The following ZZEF1 variants were observed in gnomAD, a reference collection of about 807,000 sequenced individuals.
ZZEF1 encodes the protein zinc finger ZZ-type and EF-hand domain containing 1.
ZZEF1 carries 157 observed loss-of-function variants against 342.8 expected under a neutral mutation model. The observed-to-expected ratio is 0.46, with a 90% CI of 0.40 to 0.52. ZZEF1 has a LOEUF of 0.52. Among genes scored for constraint, ZZEF1 ranks in the 20% least tolerant of loss-of-function variants. The probability of loss-of-function intolerance (pLI) is 0.00; values close to 1 mark genes in which losing one functional copy is unlikely to be tolerated. For synonymous variants in ZZEF1, 1,505 were observed against 1,429.1 expected (o/e 1.05, Z -1.20); for missense variants, 3,480 against 3,725.6 (o/e 0.93, Z 1.72).
chr17:4,066,407 C>T, intron 28 of ZZEF1, 40 bp downstream of exon 28: 1 of 1,599,420 alleles, frequency 6.3e-7, no homozygotes, highest in Non-Finnish European at 8.6e-7. Flanking sequence ...AAAACGAAAA[C>T]AGAAGGCTCA....
intron 17 of ZZEF1, 101 bp downstream of exon 17, chr17:4,082,336 G>A (rs1257617586): frequency 8.2e-6 from 9 of 1,095,476 alleles, no homozygotes; most frequent in Non-Finnish European, 1.2e-5. Context: ...TGAGTGGCAG[G>A]AAGTACTACT....
Position 4,021,137 on chromosome 17 carries a change from A to G in ZZEF1, c.7396T>C (p.Cys2466Arg). 6.2e-7 allele frequency: 1 copy of G among 1,610,650 alleles called. No individual in the cohort carries two copies. Among genetic ancestry groups the G allele is most frequent in the Non-Finnish European group, 8.5e-7 (1 of 1,178,424 alleles). The change falls in exon 45 of 55, where the codon TGT becomes CGT. Residue 2466 changes from cysteine to arginine, a missense_variant. Cys to Arg is a radical substitution (Grantham distance 180, BLOSUM62 -3). Coordinates refer to ENST00000381638, the MANE Select transcript of ZZEF1 (RefSeq NM_015113.4). ...ATGACTCAAGAACACACCAAGAAAC[A>G]TATTCTGGTGGGCTCATCCAGGCCC... ...LEGLDEPTRI[C>R]FLMAHDALNA...
chr17:4,053,946 A>T, intron 34 of ZZEF1, 111 bp downstream of exon 34: 1 of 1,230,622 alleles, frequency 8.1e-7, no homozygotes, highest in Non-Finnish European at 1.1e-6. Context: ...AGAAAATACC[A>T]CTGGGCAGTA....
chr17:4,065,745 AAT>A lies in ZZEF1; in HGVS notation c.4249+700_4249+701del, dbSNP rs760852790. ...AAATTTTTAGCATATTTCTCTTAAA[AAT>A]ATATGAGTTTTAAAAAATAACAACC... On this transcript the variant is annotated intron_variant, in intron 28 of 54. Transcript: ENST00000381638. Among the ~76,000 whole-genome samples, 34 of 152,312 alleles carry A rather than the reference AAT, an allele frequency of 2.2e-4. No homozygotes were observed. The East Asian group carries it at 3.7e-3, about 16-fold the overall frequency.
intron 24 of ZZEF1, 150 bp downstream of exon 24, chr17:4,074,000 T>A: frequency 1.1e-6 from 1 of 887,514 alleles, no homozygotes; most frequent in Non-Finnish European, 1.7e-6. Flanking sequence ...TGGTATTGAG[T>A]GGACACTTTA....
chr17:4,105,030 T>C (rs2058188129), intron 7 of ZZEF1, among the ~76,000 whole-genome samples: 1 of 152,358 alleles, frequency 6.6e-6, no homozygotes, highest in South Asian at 2.1e-4. Context: ...TAATCTTTAA[T>C]CTTTAAATAT....
chr17:4,142,354 G>A (rs2058871328), intron 1 of ZZEF1, among the ~76,000 whole-genome samples, 188 bp downstream of exon 1: 2 of 152,222 alleles, frequency 1.3e-5, no homozygotes, highest in African/African-American at 4.8e-5. Context: ...GAGCAAGGAC[G>A]GCCTGATGCA....
At chr17:4,114,265 T>C in intron 4 of ZZEF1, 34 bp downstream of exon 4, 3 of 1,464,890 alleles carry the variant, frequency 2.0e-6, no homozygotes, top group Middle Eastern at 1.8e-4. Context: ...AATCCAAAAT[T>C]TTAAAAAACA....
chr17:4,068,716 TC>T (rs139009380), intron 26 of ZZEF1, among the ~76,000 whole-genome samples: 2,621 of 152,272 alleles, frequency 0.017, 73 homozygotes, highest in African/African-American at 0.06. Flanking sequence ...AGTAAGTAAT[TC>T]CTGAAGCCCT....
chr17:4,056,224 G>T lies in ZZEF1; in HGVS notation c.5287C>A (p.Gln1763Lys). Residue 1763 changes from glutamine to lysine, a missense_variant, in exon 33 of 55, where the codon CAG becomes AAG. Physicochemically the swap from Gln to Lys is moderately conservative, Grantham distance 53 (BLOSUM62 1). Around this residue, in one of 5 missense-constraint regions of ZZEF1, gnomAD observed 175 missense variants for 254.6 expected, o/e 0.69. Transcript: ENST00000381638. The part of the protein sequence containing the change: ...EKIAQEDPEK[Q>K]RKMHMFIARY... ...TAGTTGAGAGGTCTTACTTTCCTCT[G>T]CTTCTCTGGATCTTCCTGGGCTATT... 1.9e-6 allele frequency: 3 copies of T among 1,586,094 alleles called. No homozygotes were observed. The highest frequency in any genetic ancestry group is 2.6e-6 in the Non-Finnish European group (3 of 1,165,944).
chr17:4,128,477 T>C (rs1428623720), intron 1 of ZZEF1, among the ~76,000 whole-genome samples: 2 of 151,654 alleles, frequency 1.3e-5, no homozygotes, highest in Non-Finnish European at 2.9e-5. Context: ...TTTTTAAATT[T>C]GACACAGAGT....
At position 4,119,710 on chromosome 17, in the gene ZZEF1, T is replaced by C. The variant is rs2058453460; in HGVS notation, c.500-2544A>G. On this transcript the variant is annotated intron_variant, in intron 2 of 54. Transcript: ENST00000381638. ...TCTCACCCAGGGCAATCTTGGAAGA[T>C]GTGAGGCTAAGTAAGCATTTCTGGA... 1.3e-5 allele frequency among the ~76,000 whole-genome samples: 2 copies of C among 152,204 alleles called. 1 individual carries two copies. The highest frequency in any genetic ancestry group is 2.9e-5 in the Non-Finnish European group (2 of 68,038).
chr17:4,042,452 C>T lies in ZZEF1; in HGVS notation c.6283G>A (p.Ala2095Thr). Residue 2095 changes from alanine (A) to threonine (T), a missense_variant, in exon 39 of 55, where the codon GCC becomes ACC. By Grantham distance (58) the Ala-to-Thr change is moderately conservative (BLOSUM62 0). Transcript: ENST00000381638. ...ACCGACTTTAAGGGAGGTAACATGGCTGCTAGTAATCCCAAAATCCTCTTC... is the reference window on the plus strand; with the variant it reads ...ACCGACTTTAAGGGAGGTAACATGGTTGCTAGTAATCCCAAAATCCTCTTC... ...SQKRILGLLA[A>T]MLPPLKSGPT... The T allele has an allele frequency of 6.2e-7, 1 of 1,613,432 alleles. No individual in the cohort carries two copies. The highest frequency in any genetic ancestry group is 8.5e-7 in the Non-Finnish European group (1 of 1,179,830).
intron 5 of ZZEF1, 105 bp from the exon 6 acceptor site, chr17:4,109,968 T>C: frequency 2.0e-6 from 2 of 1,018,302 alleles, no homozygotes; most frequent in Non-Finnish European, 2.9e-6. Flanking sequence ...AAAAGAAAAT[T>C]CTGAAGGTAC....
rs746353447 is a variant in ZZEF1 at position 4,009,515 on chromosome 17, C to G, written c.8733+89G>C. Reference sequence around the variant, plus strand: ...TGTCGAGACCCTGGCCACTCAGGCTCGGATGAGGCAGCAGCTTCTGCCCTG... The same window carrying G: ...TGTCGAGACCCTGGCCACTCAGGCTGGGATGAGGCAGCAGCTTCTGCCCTG... On this transcript the variant is annotated intron_variant, in intron 53 of 54. Transcript: ENST00000381638. 31 of 1,578,848 alleles carry G rather than the reference C, an allele frequency of 2.0e-5. No homozygotes were observed. In the Admixed American group the frequency reaches 2.5e-4, roughly 13 times the overall value.
chr17:4,097,574 A>G (rs1035136918), intron 9 of ZZEF1, among the ~76,000 whole-genome samples: 3 of 151,792 alleles, frequency 2.0e-5, no homozygotes, highest in Non-Finnish European at 2.9e-5. Flanking sequence ...ACTATTTTAC[A>G]ATTCTGTAAG....
In ZZEF1 at chr17:4,008,350, G is replaced by T; in HGVS notation, c.8805+533C>A. The T allele has an allele frequency of 3.0e-5, 5 of 165,350 alleles. No individual in the cohort carries two copies. Among genetic ancestry groups the T allele is most frequent in the Non-Finnish European group, 6.1e-5 (5 of 81,306 alleles). 10.2% of individuals were successfully genotyped at this position (165,350 alleles called of 1,614,324 possible). On this transcript the variant is annotated intron_variant, in intron 54 of 54. Coordinates refer to ENST00000381638, the MANE Select transcript of ZZEF1 (RefSeq NM_015113.4). The surrounding 1 kb of genome is among the most constrained non-coding windows in gnomAD (Gnocchi z 4.2). The stretch of plus-strand genomic sequence containing the variant: ...CAAGACGTGTTATTCATGTTAACAT[G>T]AAATGGGTTCACTACTTTAAAAAAA...
rs2055871726 is a variant in ZZEF1 at position 4,008,930 on chromosome 17, G to A, written c.8758C>T (p.Leu2920=). The A allele has an allele frequency of 1.3e-6, 2 of 1,543,504 alleles. No homozygotes were observed. Among genetic ancestry groups the A allele is most frequent in the African/African-American group, 1.4e-5 (1 of 73,156 alleles). Residue 2920 remains leucine (L), a synonymous_variant, in exon 54 of 55, where the codon CTG becomes TTG. Coordinates refer to ENST00000381638, the MANE Select transcript of ZZEF1 (RefSeq NM_015113.4). The surrounding 1 kb of genome is among the most constrained non-coding windows in gnomAD (Gnocchi z 4.2). ...AQELGVLQDY[L]LALTTDDHLL... ...TGGTCGTCCGTGGTTAGGGCCAGCA[G>A]GTAATCCTGCAGCACGCCAAGCTCC...
chr17:4,135,621 G>A (rs2058735562), intron 1 of ZZEF1, among the ~76,000 whole-genome samples: 1 of 152,118 alleles, frequency 6.6e-6, no homozygotes, highest in Admixed American at 6.6e-5. Flanking sequence ...TTCCTCTAGT[G>A]AACTGAAAAC....
Sources: allele counts gnomAD v4.1 joint callset (sites outside exome capture counted in the v4.1 genomes callset), GRCh38; gene constraint gnomAD v4.1.1; regional missense constraint gnomAD v4.1.1; non-coding constraint Gnocchi (gnomAD v3.1); transcripts MANE v1.5; gene names NCBI Gene and HGNC (gene_info 2026-07-23, HGNC 2026-07-21).